Variants in HSF2BP observed in about 807,000 individuals in gnomAD.
HSF2BP encodes the protein heat shock factor 2-binding protein.
Under a neutral mutation model 35.0 loss-of-function variants are expected in HSF2BP, and 35 were observed. The observed-to-expected ratio is 1.00, with a 90% confidence interval of 0.76 to 1.32. The LOEUF (loss-of-function observed/expected upper bound fraction) is 1.32. Among genes scored for constraint, HSF2BP ranks in the 40% most tolerant of loss-of-function variants. HSF2BP has a pLI of 0.00. For missense variants in HSF2BP, 326 were observed against 321.7 expected, an observed-to-expected ratio of 1.01 and a Z score of -0.10; for synonymous variants, 114 against 117.4, an observed-to-expected ratio of 0.97 and a Z score of 0.18.
At position 43,592,287 on chromosome 21, in the gene HSF2BP, T is replaced by G. The variant is rs745554717; in HGVS notation, c.734A>C (p.Lys245Thr). 6.2e-7 allele frequency: 1 copy of G among 1,613,908 alleles called. No homozygotes were observed. The highest frequency in any genetic ancestry group is 1.1e-5 in the South Asian group (1 of 91,064). ...ACTCTCGCTGATGTATTTCAAGCCT[T>G]TCAAATTGATGCTTACATTGTATAG... ...MSLYNVSINL[K>T]GLKYISESPG... The change falls in exon 8 of 9, where the codon AAA becomes ACA. Residue 245 changes from lysine (K) to threonine (T), a missense_variant. By Grantham distance (78) the Lys-to-Thr change is moderately conservative (BLOSUM62 -1). Transcript: ENST00000291560.
chr21:43,637,486 AAAAT>A (rs149222641), intron 4 of HSF2BP, among the ~76,000 whole-genome samples: 99,345 of 149,422 alleles, frequency 0.66, 33,485 homozygotes, highest in East Asian at 0.79. Context: ...AGTAATTATA[AAAAT>A]AAATAAATAA....
At chr21:43,594,705 CGGT>C (rs2081964618) in intron 7 of HSF2BP, among the ~76,000 whole-genome samples, 1 of 148,520 alleles carries the variant, frequency 6.7e-6, no homozygotes. Context: ...GGAAGAAAGA[CGGT>C]GGGAGGAAGG....
At chr21:43,635,864 G>A (rs542430708) in intron 4 of HSF2BP, among the ~76,000 whole-genome samples, 17 of 149,200 alleles carry the variant, frequency 1.1e-4, no homozygotes, top group Non-Finnish European at 2.1e-4. Flanking sequence ...AGGAGGGGGC[G>A]ACTGCAGTGA....
chr21:43,655,429 A>G (rs1386080457), intron 3 of HSF2BP, among the ~76,000 whole-genome samples: 1 of 152,230 alleles, frequency 6.6e-6, no homozygotes, highest in East Asian at 1.9e-4. Flanking sequence ...GAGAGCAGAG[A>G]TAACAGAACC....
intron 7 of HSF2BP, among the ~76,000 whole-genome samples, chr21:43,599,803 A>AT (rs1423705931): frequency 6.6e-6 from 1 of 151,562 alleles, no homozygotes; most frequent in Non-Finnish European, 1.5e-5. Flanking sequence ...CAAAAAAAAA[A>AT]GGAAGAAAGA....
intron 7 of HSF2BP, among the ~76,000 whole-genome samples, chr21:43,608,533 G>C (rs2082163328): frequency 6.6e-6 from 1 of 152,208 alleles, no homozygotes; most frequent in Non-Finnish European, 1.5e-5. Flanking sequence ...ATGGAAAGCA[G>C]TCTGGAGATT....
chr21:43,616,267 T>C (rs1386964086), intron 6 of HSF2BP, among the ~76,000 whole-genome samples: 1 of 152,170 alleles, frequency 6.6e-6, no homozygotes, highest in African/African-American at 2.4e-5. Context: ...TTTGGTCTCC[T>C]GCCACTTGCT....
intron 6 of HSF2BP, among the ~76,000 whole-genome samples, 163 bp downstream of exon 6, chr21:43,630,159 T>A (rs532278706): frequency 3.3e-5 from 5 of 152,240 alleles, no homozygotes; most frequent in South Asian, 4.1e-4. Flanking sequence ...TTAGACATAA[T>A]GCTATTGTAC....
At chr21:43,604,209 CCACAGCA>C (rs773835042) in intron 7 of HSF2BP, among the ~76,000 whole-genome samples, 169 of 151,260 alleles carry the variant, frequency 1.1e-3, no homozygotes, top group African/African-American at 1.8e-3. Context: ...CACACACACA[CCACAGCA>C]CACAGCACAC....
At chr21:43,643,049 A>G (rs1206538145) in intron 4 of HSF2BP, among the ~76,000 whole-genome samples, 1 of 151,972 alleles carries the variant, frequency 6.6e-6, no homozygotes, top group Non-Finnish European at 1.5e-5. Context: ...AAATATATCC[A>G]GGCCCCAAAT....
At chr21:43,631,813 A>C (rs2082459945) in intron 5 of HSF2BP, among the ~76,000 whole-genome samples, 1 of 151,932 alleles carries the variant, frequency 6.6e-6, no homozygotes, top group Non-Finnish European at 1.5e-5. Flanking sequence ...GCCCATTTCA[A>C]ATTTATCCCC....
At chr21:43,636,861 C>A (rs1248722937) in intron 4 of HSF2BP, among the ~76,000 whole-genome samples, 1 of 142,458 alleles carries the variant, frequency 7.0e-6, no homozygotes, top group East Asian at 2.0e-4. Context: ...CACTACACTC[C>A]AGCCTGGGCG....
At chr21:43,627,696 C>T (rs1052069572) in intron 6 of HSF2BP, among the ~76,000 whole-genome samples, 2 of 152,210 alleles carry the variant, frequency 1.3e-5, no homozygotes, top group Non-Finnish European at 2.9e-5. Context: ...ACAGTCACTA[C>T]AGCTGAAAAG....
At chr21:43,630,600 C>T (rs917276810) in intron 5 of HSF2BP, 146 bp from the exon 6 acceptor site, 1 of 1,091,334 alleles carries the variant, frequency 9.2e-7, no homozygotes, top group Admixed American at 3.4e-5. Flanking sequence ...ATTAAAAGAA[C>T]AGAGAAAGCA....
At chr21:43,622,588 A>T (rs2082343144) in intron 6 of HSF2BP, among the ~76,000 whole-genome samples, 1 of 152,222 alleles carries the variant, frequency 6.6e-6, no homozygotes, top group African/African-American at 2.4e-5. Flanking sequence ...GTCACTATAT[A>T]ATGAAAAATG....
At chr21:43,612,350 C>G (rs1461732717) in intron 7 of HSF2BP, among the ~76,000 whole-genome samples, 1 of 152,052 alleles carries the variant, frequency 6.6e-6, no homozygotes, top group Non-Finnish European at 1.5e-5. Context: ...TACAGAAGCT[C>G]TTACTTTTTA....
In HSF2BP at chr21:43,659,101, C is replaced by T. The variant is rs920547636; in HGVS notation, c.-225+285G>A. Among the ~76,000 whole-genome samples the T allele has an allele frequency of 6.6e-6, 1 of 152,100 alleles. No individual in the cohort carries two copies. Among genetic ancestry groups the T allele is most frequent in the Non-Finnish European group, 1.5e-5 (1 of 68,020 alleles). Reference sequence around the variant, plus strand: ...TTGCTTGAGCCCAGGAGTTTGAGACCAGCTTGGGCAACATAGCGAGACACC... The same window carrying T: ...TTGCTTGAGCCCAGGAGTTTGAGACTAGCTTGGGCAACATAGCGAGACACC... On this transcript the variant is annotated intron_variant, in intron 1 of 8. Coordinates refer to ENST00000291560, the MANE Select transcript of HSF2BP (RefSeq NM_007031.2). The surrounding 1 kb of genome is among the most constrained non-coding windows in gnomAD (Gnocchi z 4.2).
intron 4 of HSF2BP, among the ~76,000 whole-genome samples, chr21:43,633,974 C>T (rs868852917): frequency 6.6e-6 from 1 of 152,128 alleles, no homozygotes; most frequent in East Asian, 1.9e-4. Flanking sequence ...AGAATATTGC[C>T]AAAGGTGCCA....
chr21:43,592,894 C>T (rs762151434), intron 7 of HSF2BP, among the ~76,000 whole-genome samples: 3 of 152,142 alleles, frequency 2.0e-5, no homozygotes, highest in Admixed American at 2.0e-4. Flanking sequence ...TGAACCGTGG[C>T]TGGCAATGCA....
Sources: allele counts gnomAD v4.1 joint callset (sites outside exome capture counted in the v4.1 genomes callset), GRCh38; gene constraint gnomAD v4.1.1; non-coding constraint Gnocchi (gnomAD v3.1); transcripts MANE v1.5; gene names NCBI Gene and HGNC (gene_info 2026-07-23, HGNC 2026-07-21).